CDK14: variants seen among roughly 807,000 people sequenced by gnomAD.
The protein encoded by CDK14 is cyclin dependent kinase 14.
A neutral mutation model predicts 60.7 loss-of-function variants in CDK14; 34 were observed. The ratio of observed to expected loss-of-function variants is 0.56; its 90% confidence interval spans 0.43 to 0.75. The LOEUF is 0.75. CDK14 is among the 30% of genes least tolerant of loss of function. The pLI is 0.00. For synonymous variants in CDK14, 197 were observed against 203.7 expected (o/e 0.97, Z 0.28); for missense variants, 482 against 564.1 (o/e 0.85, Z 1.47).
chr7:91,043,600 AG>A (rs1797150288), intron 10 of CDK14, among the ~76,000 whole-genome samples: 1 of 149,154 alleles, frequency 6.7e-6, no homozygotes, highest in African/African-American at 2.6e-5. Context: ...TTTATGTCAG[AG>A]ACAATGCTTT....
chr7:91,061,263 G>A (rs1797776123), intron 11 of CDK14, among the ~76,000 whole-genome samples: 1 of 152,114 alleles, frequency 6.6e-6, no homozygotes, highest in Admixed American at 6.5e-5. Flanking sequence ...GGTCCTTTAA[G>A]GACTTCTCTG....
chr7:90,972,422 A>G lies in CDK14; in HGVS notation c.948-11726A>G, dbSNP rs1023104821. ...TATATGTAATAAATTTTCTTTTAGA[A>G]TACAGAAAAAGGTCACTTTTTAATT... On this transcript the variant is annotated intron_variant, in intron 9 of 14. Coordinates refer to ENST00000380050, the MANE Select transcript of CDK14 (RefSeq NM_001287135.2). 6.6e-5 allele frequency among the ~76,000 whole-genome samples: 10 copies of G among 152,240 alleles called. No individual in the cohort carries two copies. In the East Asian group the frequency reaches 1.9e-3, roughly 29 times the overall value.
intron 9 of CDK14, among the ~76,000 whole-genome samples, chr7:90,971,224 C>A (rs1273866625): frequency 6.6e-6 from 1 of 150,432 alleles, no homozygotes; most frequent in Non-Finnish European, 1.5e-5. Context: ...TTTGTGAGAT[C>A]TTGGAACTGA....
intron 11 of CDK14, among the ~76,000 whole-genome samples, chr7:91,057,333 A>C (rs1205168653): frequency 2.0e-5 from 3 of 152,010 alleles, no homozygotes; most frequent in Non-Finnish European, 4.4e-5. Context: ...AGATTGCAAA[A>C]ATTTTCTCCG....
chr7:91,120,104 G>A (rs1799736350), intron 14 of CDK14, among the ~76,000 whole-genome samples: 1 of 152,186 alleles, frequency 6.6e-6, no homozygotes, highest in Non-Finnish European at 1.5e-5. Context: ...AAAACAAAAA[G>A]TGGACTTTAT....
intron 2 of CDK14, among the ~76,000 whole-genome samples, chr7:90,691,543 G>A (rs539494658): frequency 6.6e-6 from 1 of 152,230 alleles, no homozygotes; most frequent in African/African-American, 2.4e-5. Flanking sequence ...GAGCTACATT[G>A]CACAGGGCCT....
chr7:90,622,222 G>C (rs1377921470), intron 2 of CDK14, among the ~76,000 whole-genome samples: 1 of 152,162 alleles, frequency 6.6e-6, no homozygotes, highest in East Asian at 1.9e-4. Flanking sequence ...TAATTAAAAA[G>C]TACCGGTCAG....
intron 1 of CDK14, among the ~76,000 whole-genome samples, chr7:90,597,914 G>A (rs1298051386): frequency 6.8e-6 from 1 of 146,980 alleles, no homozygotes; most frequent in African/African-American, 2.5e-5. Flanking sequence ...GTAAAGTTAT[G>A]GTATGAAACC....
chr7:90,864,720 G>C (rs1339599376), intron 6 of CDK14, among the ~76,000 whole-genome samples: 1 of 152,066 alleles, frequency 6.6e-6, no homozygotes, highest in Non-Finnish European at 1.5e-5. Flanking sequence ...GTCATTTGAC[G>C]ATTTTGTATT....
intron 11 of CDK14, among the ~76,000 whole-genome samples, chr7:91,049,064 T>G (rs1414954035): frequency 2.6e-5 from 4 of 151,422 alleles, no homozygotes; most frequent in Non-Finnish European, 4.4e-5. Flanking sequence ...TAATATTTTG[T>G]AGAGATAGGG....
At chr7:90,780,512 T>C (rs1433505407) in intron 4 of CDK14, among the ~76,000 whole-genome samples, 1 of 150,828 alleles carries the variant, frequency 6.6e-6, no homozygotes, top group African/African-American at 2.4e-5. Flanking sequence ...GCCATGTTGG[T>C]ATGCTGCACC....
intron 8 of CDK14, among the ~76,000 whole-genome samples, chr7:90,926,602 G>A (rs930977671): frequency 6.6e-6 from 1 of 152,024 alleles, no homozygotes; most frequent in Admixed American, 6.6e-5. Context: ...CCTTTTCCAT[G>A]GTACTGTGCT....
At chr7:91,106,401 G>A (rs1490531556) in intron 12 of CDK14, among the ~76,000 whole-genome samples, 1 of 152,172 alleles carries the variant, frequency 6.6e-6, no homozygotes, top group Non-Finnish European at 1.5e-5. Context: ...GATGCTCATT[G>A]AAATAACTGC....
intron 14 of CDK14, among the ~76,000 whole-genome samples, chr7:91,171,577 C>T (rs1334310212): frequency 1.3e-5 from 2 of 152,086 alleles, no homozygotes; most frequent in African/African-American, 4.8e-5. Context: ...AATTTGAGGC[C>T]AAACTTCTCT....
chr7:91,147,619 T>A (rs185633433), intron 14 of CDK14, among the ~76,000 whole-genome samples: 1 of 152,316 alleles, frequency 6.6e-6, no homozygotes, highest in African/African-American at 2.4e-5. Context: ...GTTGCCTTTC[T>A]CCTAACAGAT....
chr7:90,944,140 A>T (rs1487758071), intron 8 of CDK14, among the ~76,000 whole-genome samples: 2 of 152,198 alleles, frequency 1.3e-5, no homozygotes, highest in African/African-American at 4.8e-5. Flanking sequence ...GTCTATCCAG[A>T]TGCCAATCAG....
intron 5 of CDK14, among the ~76,000 whole-genome samples, chr7:90,814,537 C>T (rs968891118): frequency 6.6e-5 from 10 of 152,024 alleles, no homozygotes; most frequent in Non-Finnish European, 1.2e-4. Flanking sequence ...AATCCCAGCA[C>T]TTTGGGAGCC....
chr7:90,796,692 G>T (rs1464453850), intron 5 of CDK14, among the ~76,000 whole-genome samples: 1 of 152,056 alleles, frequency 6.6e-6, no homozygotes, highest in Non-Finnish European at 1.5e-5. Flanking sequence ...GACCTTGTTA[G>T]ATTTCAACAG....
intron 1 of CDK14, among the ~76,000 whole-genome samples, chr7:90,601,427 T>A (rs951600477): frequency 2.0e-5 from 3 of 152,184 alleles, no homozygotes; most frequent in African/African-American, 4.8e-5. Context: ...GAAGAAACCG[T>A]GTAAGGTGTC....
Sources: gnomAD v4.1 joint callset for allele counts (sites outside exome capture counted in the v4.1 genomes callset) on GRCh38, gnomAD v4.1.1 for gene constraint, MANE v1.5 for transcripts, NCBI Gene and HGNC (gene_info 2026-07-23, HGNC 2026-07-21) for gene names.